Variants in ANK1 observed in about 807,000 individuals in gnomAD.
ANK1 encodes the protein ankyrin 1.
Under a neutral mutation model 210.4 loss-of-function variants are expected in ANK1, and 51 were observed. That is an observed-to-expected ratio of 0.24 (90% CI 0.19 to 0.31). The LOEUF (loss-of-function observed/expected upper bound fraction) is 0.31. Ranked by LOEUF, ANK1 falls within the 10% of genes least tolerant of loss-of-function variation. ANK1 has a pLI of 1.00. For synonymous variants in ANK1, 967 were observed against 1,025.9 expected (o/e 0.94, Z 1.10); for missense variants, 2,051 against 2,504.4 (o/e 0.82, Z 3.86).
intron 1 of ANK1, among the ~76,000 whole-genome samples, chr8:41,820,713 A>G (rs967480757): frequency 1.3e-5 from 2 of 152,104 alleles, no homozygotes; most frequent in Non-Finnish European, 2.9e-5. Flanking sequence ...TTTGGCTGGG[A>G]TAGGAATTAA....
intron 1 of ANK1, among the ~76,000 whole-genome samples, chr8:41,835,799 C>T (rs1303364098): frequency 6.6e-6 from 1 of 152,252 alleles, no homozygotes; most frequent in Non-Finnish European, 1.5e-5. Flanking sequence ...TGTGCTGCCT[C>T]CCAGCCTACA....
chr8:41,771,381 G>C (rs558181660), intron 1 of ANK1, among the ~76,000 whole-genome samples: 36 of 152,226 alleles, frequency 2.4e-4, no homozygotes, highest in Non-Finnish European at 4.4e-4. Context: ...ATAACTGACT[G>C]TCCCCTCAAC....
At chr8:41,745,900 G>A (rs1835994598) in intron 2 of ANK1, among the ~76,000 whole-genome samples, 1 of 152,104 alleles carries the variant, frequency 6.6e-6, no homozygotes, top group Non-Finnish European at 1.5e-5. Flanking sequence ...TTATTGATTT[G>A]TTCTGTAGGA....
At chr8:41,872,312 G>A (rs1195999124) in intron 1 of ANK1, among the ~76,000 whole-genome samples, 2 of 152,198 alleles carry the variant, frequency 1.3e-5, no homozygotes, top group African/African-American at 4.8e-5. Context: ...CTGTCCAGCC[G>A]CCCACCCCAG....
chr8:41,714,478 G>A (rs910721407), intron 15 of ANK1, among the ~76,000 whole-genome samples: 2 of 152,178 alleles, frequency 1.3e-5, no homozygotes, highest in Non-Finnish European at 2.9e-5. Context: ...CTTGCCCGGA[G>A]AAGGCCATCG....
intron 17 of ANK1, 111 bp downstream of exon 17, chr8:41,708,667 T>A: frequency 8.4e-7 from 1 of 1,184,710 alleles, no homozygotes. Context: ...TTCCAAGGAT[T>A]ACACACACAC....
chr8:41,681,134 G>A (rs1815853493), intron 37 of ANK1, among the ~76,000 whole-genome samples: 1 of 152,194 alleles, frequency 6.6e-6, no homozygotes, highest in Non-Finnish European at 1.5e-5. Context: ...TGGGCAACAG[G>A]GGTCATCAGA....
intron 38 of ANK1, 41 bp from the exon 39 acceptor site, chr8:41,668,605 G>C (rs757198596): frequency 1.0e-5 from 16 of 1,583,330 alleles, no homozygotes; most frequent in Non-Finnish European, 1.3e-5. Context: ...GCCGGGGAGA[G>C]AGAAAAGACA....
intron 2 of ANK1, 121 bp from the exon 3 acceptor site, chr8:41,734,190 G>A (rs1344544198): frequency 1.1e-6 from 1 of 895,496 alleles, no homozygotes; most frequent in East Asian, 2.5e-5. Flanking sequence ...GAAAAGGAGT[G>A]GAGTGTGTCT....
chr8:41,809,428 A>G (rs1437239113), intron 1 of ANK1, among the ~76,000 whole-genome samples: 1 of 152,196 alleles, frequency 6.6e-6, no homozygotes, highest in East Asian at 1.9e-4. Flanking sequence ...ACCATGCTGG[A>G]GTTTCAATTA....
chr8:41,724,068 G>A (rs1169453970), intron 7 of ANK1, among the ~76,000 whole-genome samples: 6 of 152,032 alleles, frequency 3.9e-5, no homozygotes, highest in South Asian at 2.1e-4. Context: ...GATTACAGGC[G>A]TGAGCCACCG....
At chr8:41,710,354 G>A (rs751274040) in intron 16 of ANK1, among the ~76,000 whole-genome samples, 4 of 152,192 alleles carry the variant, frequency 2.6e-5, no homozygotes, top group Non-Finnish European at 4.4e-5. Flanking sequence ...CTAATGTCAC[G>A]TAGTAAGCAG....
intron 9 of ANK1, among the ~76,000 whole-genome samples, chr8:41,722,461 C>T (rs1195005661): frequency 1.3e-5 from 2 of 152,230 alleles, no homozygotes; most frequent in Non-Finnish European, 1.5e-5. Flanking sequence ...TGCTCTGACA[C>T]AGCTCAATTC....
At chr8:41,673,066 A>G (rs1301206163) in intron 37 of ANK1, among the ~76,000 whole-genome samples, 154 bp from the exon 38 acceptor site, 1 of 152,170 alleles carries the variant, frequency 6.6e-6, no homozygotes, top group Non-Finnish European at 1.5e-5. Flanking sequence ...TCCAAGCTCC[A>G]GGCCCAATGC....
At chr8:41,855,635 C>G (rs2150814575) in intron 1 of ANK1, among the ~76,000 whole-genome samples, 1 of 152,326 alleles carries the variant, frequency 6.6e-6, no homozygotes, top group Non-Finnish European at 1.5e-5. Context: ...CTGCCTACCC[C>G]AGATAGCCGG....
rs760239570 is a variant in ANK1 at position 41,661,909 on chromosome 8, C to T, written c.5511G>A (p.Leu1837=). The T allele has an allele frequency of 4.3e-6, 7 of 1,613,922 alleles. No individual in the cohort carries two copies. The East Asian group carries it at 1.6e-4, about 36-fold the overall frequency. The change falls in exon 41 of 43, where the codon TTG becomes TTA. Residue 1837 remains leucine, a synonymous_variant. Coordinates refer to ENST00000289734, the MANE Select transcript of ANK1 (RefSeq NM_000037.4). ...IIRKVVRQID[L]SSADAAQEHE... is the part of the protein sequence containing the mutation. ...GCTCCTGGGCGGCATCGGCGCTGGA[C>T]AAGTCTATCTGTCGAACCACCTTGC...
At chr8:41,702,978 C>T (rs1823286787) in intron 20 of ANK1, among the ~76,000 whole-genome samples, 1 of 150,646 alleles carries the variant, frequency 6.6e-6, no homozygotes, top group Non-Finnish European at 1.5e-5. Flanking sequence ...TGTCACCTCA[C>T]TCAGCTAATT....
In ANK1 at chr8:41,885,774, G is replaced by A. The variant is rs370408405; in HGVS notation, c.126+10581C>T. ...AATGAACTGGCCAAATCTCTATGCC[G>A]CAGGAGAATCTAGTGTCTCCATAAA... On this transcript the variant is annotated intron_variant, in intron 1 of 42. Coordinates refer to the ANK1 transcript ENST00000265709. Among the ~76,000 whole-genome samples the A allele has an allele frequency of 3.1e-4, 47 of 152,306 alleles. 1 individual carries two copies. Among genetic ancestry groups the A allele is most frequent in the East Asian group, 1.2e-3 (6 of 5,196 alleles).
chr8:41,895,903 C>T lies in ANK1; in HGVS notation c.126+452G>A, dbSNP rs920080707. On this transcript the variant is annotated intron_variant, in intron 1 of 42. Transcript: ENST00000265709. ...CTAGGGAGAAGCCGGGCAGAGCTGC[C>T]CCCCCCCGGCCCGCTCCCCGGAGCC... 1.2e-3 allele frequency among the ~76,000 whole-genome samples: 185 copies of T among 150,686 alleles called. 1 individual carries two copies. The highest frequency in any genetic ancestry group is 2.0e-3 in the Non-Finnish European group (133 of 67,498).
Sources: gnomAD v4.1 joint callset for allele counts (sites outside exome capture counted in the v4.1 genomes callset) on GRCh38, gnomAD v4.1.1 for gene constraint, MANE v1.5 for transcripts, NCBI Gene and HGNC (gene_info 2026-07-23, HGNC 2026-07-21) for gene names.